PGM3: variants seen among roughly 807,000 people sequenced by gnomAD.
The protein encoded by PGM3 is phosphoacetylglucosamine mutase.
A neutral mutation model predicts 66.2 loss-of-function variants in PGM3; 40 were observed. The observed-to-expected ratio is 0.60, with a 90% CI of 0.47 to 0.79. The LOEUF (loss-of-function observed/expected upper bound fraction) is 0.79. PGM3 is among the 30% of genes least tolerant of loss of function. The probability of loss-of-function intolerance (pLI) is 0.00; values close to 1 mark genes in which losing one functional copy is unlikely to be tolerated. For missense variants in PGM3, 537 were observed against 643.4 expected, an observed-to-expected ratio of 0.83 and a Z score of 1.79; for synonymous variants, 191 against 224.2, an observed-to-expected ratio of 0.85 and a Z score of 1.32.
chr6:83,189,613 A>C (rs1269796852), intron 2 of PGM3, among the ~76,000 whole-genome samples: 1 of 152,206 alleles, frequency 6.6e-6, no homozygotes, highest in Non-Finnish European at 1.5e-5. Flanking sequence ...ATTTAGCTAC[A>C]AAGGCAAAAA....
chr6:83,167,907 C>A lies in PGM3; in HGVS notation c.*1327G>T, dbSNP rs771345848. 2 of 1,613,502 alleles carry A rather than the reference C, an allele frequency of 1.2e-6. No individual in the cohort carries two copies. Among genetic ancestry groups the A allele is most frequent in the Non-Finnish European group, 8.5e-7 (1 of 1,179,708 alleles). ...CTCAGGGAGAACATTGGGTTGGGAG[C>A]CAGGGCACTTGCTGCTCACCATCTG... On this transcript the variant is annotated 3_prime_UTR_variant, in exon 13 of 13. Coordinates refer to ENST00000513973, the MANE Select transcript of PGM3 (RefSeq NM_015599.3).
rs1785454939 is a variant in PGM3, at chr6:83,166,098, A to G, written c.*3136T>C. 1 of 382,980 alleles carries G rather than the reference A, an allele frequency of 2.6e-6. No individual in the cohort carries two copies. The highest frequency in any genetic ancestry group is 4.2e-5 in the Admixed American group (1 of 23,988). The allele number at this position is 382,980 out of a possible 1,614,324, so 23.7% of individuals were successfully genotyped here. On this transcript the variant is annotated 3_prime_UTR_variant, in exon 13 of 13. Coordinates refer to ENST00000513973, the MANE Select transcript of PGM3 (RefSeq NM_015599.3). ...TCACAATCCGATAGAGAAATGATTCATTATTGTTGCATAGAATAGAGAAAA... is the reference window on the plus strand; with the variant it reads ...TCACAATCCGATAGAGAAATGATTCGTTATTGTTGCATAGAATAGAGAAAA...
At chr6:83,192,075 A>G (rs760326377) in intron 1 of PGM3, among the ~76,000 whole-genome samples, 3 of 151,376 alleles carry the variant, frequency 2.0e-5, no homozygotes, top group East Asian at 1.9e-4. Flanking sequence ...GACCAGCCTG[A>G]CCAACATGGT....
chr6:83,162,999 G>A, downstream of PGM3: 1 of 1,436,394 alleles, frequency 7.0e-7, no homozygotes, highest in Non-Finnish European at 9.3e-7. Flanking sequence ...TACTTCCTGG[G>A]AAACTGAGAA....
In PGM3 at chr6:83,170,330, C is replaced by T. The variant is rs772233718; in HGVS notation, c.1514G>A (p.Arg505Gln). ...VRPSGTEDVVRVYAEADSQES... is the reference protein window; with the variant it reads ...VRPSGTEDVVQVYAEADSQES... ...TTGTGAGTCTGCTTCTGCATATACT[C>T]GGACGACATCTTCTGTACCAGAGGG... Residue 505 changes from arginine to glutamine, a missense_variant, in exon 12 of 13, where the codon CGA (arginine) becomes CAA (glutamine). Transcript: ENST00000513973. The T allele has an allele frequency of 9.3e-6, 15 of 1,614,154 alleles. No individual in the cohort carries two copies. The highest frequency in any genetic ancestry group is 1.3e-5 in the Non-Finnish European group (15 of 1,180,010).
chr6:83,191,632 T>C, intron 1 of PGM3, among the ~76,000 whole-genome samples: 1 of 152,218 alleles, frequency 6.6e-6, no homozygotes, highest in East Asian at 1.9e-4. Flanking sequence ...CCTTCTAAGA[T>C]GTTGCTCTAA....
chr6:83,171,945 T>A lies in PGM3; in HGVS notation c.1357A>T (p.Lys453Ter). 1 of 1,612,994 alleles carries A rather than the reference T, an allele frequency of 6.2e-7. No homozygotes were observed. The highest frequency in any genetic ancestry group is 1.7e-5 in the Admixed American group (1 of 59,968). Reference sequence around the variant, plus strand: ...TAAAGTTTCTCTCACACCTGAACTTTAAGTTGTCTGTTTGGAAGATCTGTA... The same window carrying A: ...TAAAGTTTCTCTCACACCTGAACTTAAAGTTGTCTGTTTGGAAGATCTGTA... ...LYTDLPNRQL[K>*]VQVADRRVIS... is the part of the protein sequence containing the mutation. Residue 453 changes from lysine to a stop codon, truncating the protein, a stop_gained, in exon 11 of 13, where the codon AAA (lysine) becomes TAA (stop). Transcript: ENST00000513973. LOFTEE classifies it high-confidence loss of function.
Position 83,168,955 on chromosome 6 carries a change from C to A in PGM3, c.*279G>T. The A allele has an allele frequency of 8.7e-7, 1 of 1,154,570 alleles. No individual in the cohort carries two copies. Among genetic ancestry groups the A allele is most frequent in the Non-Finnish European group, 1.1e-6 (1 of 934,240 alleles). 71.5% of individuals were successfully genotyped at this position (1,154,570 alleles called of 1,614,324 possible). ...CCAGTAGCCTGCATGAATTGTTCCC[C>A]ACATAAAACTGTACAGTTAGTGACT... On this transcript the variant is annotated 3_prime_UTR_variant, in exon 13 of 13. Transcript: ENST00000513973.
chr6:83,167,234 C>T lies in PGM3; in HGVS notation c.*2000G>A. 3 of 958,254 alleles carry T rather than the reference C, an allele frequency of 3.1e-6. No individual in the cohort carries two copies. The highest frequency in any genetic ancestry group is 3.7e-6 in the Non-Finnish European group (3 of 805,080). 59.4% of individuals were successfully genotyped at this position (958,254 alleles called of 1,614,324 possible). On this transcript the variant is annotated 3_prime_UTR_variant, in exon 13 of 13. Transcript: ENST00000513973. ...CCGTAAGTATGGCAGAGCCAGCACA[C>T]TAACTCAATTCCTTTGACTCCAGGT... is the stretch of plus-strand genomic sequence containing the variant.
the PGM3 span, chr6:83,151,511 T>G: frequency 9.2e-7 from 1 of 1,088,694 alleles, no homozygotes. Context: ...TTAAGCCGCT[T>G]AACTCATCGT....
intron 2 of PGM3, 64 bp downstream of exon 2, chr6:83,190,745 C>T (rs1760707957): frequency 4.0e-6 from 5 of 1,255,334 alleles, no homozygotes; most frequent in Non-Finnish European, 5.8e-6. Context: ...GGTCAATTTG[C>T]TCAGACACTA....
chr6:83,168,962 A>T lies in PGM3; in HGVS notation c.*272T>A. 8.4e-7 allele frequency: 1 copy of T among 1,188,700 alleles called. No homozygotes were observed. Among genetic ancestry groups the T allele is most frequent in the Non-Finnish European group, 1.0e-6 (1 of 954,096 alleles). 73.6% of individuals were successfully genotyped at this position (1,188,700 alleles called of 1,614,324 possible). A position where few individuals can be genotyped will look rare whatever the true frequency, so the allele number is the denominator to read the frequency against. On this transcript the variant is annotated 3_prime_UTR_variant, in exon 13 of 13. Coordinates refer to ENST00000513973, the MANE Select transcript of PGM3 (RefSeq NM_015599.3). Reference sequence around the variant, plus strand: ...CCTGCATGAATTGTTCCCCACATAAAACTGTACAGTTAGTGACTGAATTGT... The same window carrying T: ...CCTGCATGAATTGTTCCCCACATAATACTGTACAGTTAGTGACTGAATTGT...
At chr6:83,179,719 A>C in intron 7 of PGM3, 91 bp downstream of exon 7, 1 of 986,656 alleles carries the variant, frequency 1.0e-6, no homozygotes, top group Non-Finnish European at 1.5e-6. Flanking sequence ...AATTTGTCAT[A>C]AATTGTGCCC....
chr6:83,163,169 TTAA>T (rs1784635675), downstream of PGM3, among the ~76,000 whole-genome samples: 1 of 152,178 alleles, frequency 6.6e-6, no homozygotes, highest in African/African-American at 2.4e-5. Context: ...CTTTTGTACA[TTAA>T]TAACATCTAC....
intron 5 of PGM3, among the ~76,000 whole-genome samples, chr6:83,182,358 T>A (rs1788236408): frequency 6.6e-6 from 1 of 152,212 alleles, no homozygotes; most frequent in Non-Finnish European, 1.5e-5. Flanking sequence ...CCAGCTATCC[T>A]CACCCCAAAT....
chr6:83,171,376 T>TATATCATAAA (rs1253855162), intron 11 of PGM3: 2 of 152,246 alleles, frequency 1.3e-5, no homozygotes, highest in Admixed American at 6.5e-5. Flanking sequence ...TATTATTTAT[T>TATATCATAAA]ATATCATAAA....
intron 4 of PGM3, among the ~76,000 whole-genome samples, chr6:83,183,875 C>T (rs1788381821): frequency 6.6e-6 from 1 of 152,024 alleles, no homozygotes; most frequent in Admixed American, 6.6e-5. Flanking sequence ...ACCACCACGC[C>T]CGGCTAATTT....
chr6:83,188,892 A>G, intron 2 of PGM3, 94 bp from the exon 3 acceptor site: 2 of 961,254 alleles, frequency 2.1e-6, no homozygotes, highest in Admixed American at 2.2e-5. Flanking sequence ...AACCAAAGAC[A>G]GTGATGGCTG....
intron 2 of PGM3, 66 bp from the exon 3 acceptor site, chr6:83,188,864 CA>C: frequency 7.2e-7 from 1 of 1,379,548 alleles, no homozygotes; most frequent in Non-Finnish European, 1.0e-6. Context: ...GAACAGAACT[CA>C]AAAGCTGTTT....
Sources: allele counts gnomAD v4.1 joint callset (sites outside exome capture counted in the v4.1 genomes callset), GRCh38; gene constraint gnomAD v4.1.1; transcripts MANE v1.5; gene names NCBI Gene and HGNC (gene_info 2026-07-23, HGNC 2026-07-21).